Variants in CDYL2 observed in about 807,000 individuals in gnomAD.
The protein encoded by CDYL2 is chromodomain Y like 2.
In CDYL2, 23 loss-of-function variants were observed where a neutral mutation model predicts 49.4. That is an observed-to-expected ratio of 0.47 (90% confidence interval 0.34 to 0.66). The LOEUF (loss-of-function observed/expected upper bound fraction) is 0.66, where lower values mean the gene tolerates loss of function less well. Ranked by LOEUF, CDYL2 falls within the 30% of genes least tolerant of loss-of-function variation. The pLI is 0.01. For missense variants in CDYL2, 678 were observed against 656.4 expected (o/e 1.03, Z -0.36); for synonymous variants, 360 against 268.8 (o/e 1.34, Z -3.32).
At chr16:80,766,421 A>T (rs945588478) in intron 1 of CDYL2, among the ~76,000 whole-genome samples, 1 of 152,228 alleles carries the variant, frequency 6.6e-6, no homozygotes, top group Non-Finnish European at 1.5e-5. Context: ...TGAAGGCTGA[A>T]AATTTTCATA....
At chr16:80,652,257 TCAAA>T (rs753274662) in intron 2 of CDYL2, among the ~76,000 whole-genome samples, 1 of 152,074 alleles carries the variant, frequency 6.6e-6, no homozygotes, top group East Asian at 1.9e-4. Flanking sequence ...AAGGAAGTGC[TCAAA>T]CAAAGCAAAG....
chr16:80,752,963 G>A (rs1235627914), intron 1 of CDYL2, among the ~76,000 whole-genome samples: 1 of 152,166 alleles, frequency 6.6e-6, no homozygotes, highest in Non-Finnish European at 1.5e-5. Flanking sequence ...GCAACAGAAA[G>A]AATATGTGAG....
chr16:80,609,359 A>C (rs1003667871), intron 5 of CDYL2, among the ~76,000 whole-genome samples: 6 of 152,078 alleles, frequency 3.9e-5, no homozygotes, highest in Non-Finnish European at 1.5e-5. Flanking sequence ...TTGACGCTGA[A>C]ATGCCAGGCA....
intron 2 of CDYL2, among the ~76,000 whole-genome samples, chr16:80,638,101 G>T (rs913750580): frequency 6.6e-6 from 1 of 151,846 alleles, no homozygotes; most frequent in African/African-American, 2.4e-5. Context: ...TTGAGACAAG[G>T]TCTTGCTGTG....
At chr16:80,689,660 G>A (rs1012421354) in intron 1 of CDYL2, among the ~76,000 whole-genome samples, 4 of 152,212 alleles carry the variant, frequency 2.6e-5, no homozygotes, top group African/African-American at 9.6e-5. Context: ...ACTGAGGAAG[G>A]AAACGGCTTC....
intron 1 of CDYL2, among the ~76,000 whole-genome samples, chr16:80,774,356 C>A (rs530354642): frequency 1.5e-5 from 2 of 136,760 alleles, no homozygotes; most frequent in Non-Finnish European, 3.0e-5. Flanking sequence ...GTTGATCCCA[C>A]GGAAACAGAG....
At chr16:80,606,214 AT>A (rs1292039485) in intron 6 of CDYL2, among the ~76,000 whole-genome samples, 1 of 152,226 alleles carries the variant, frequency 6.6e-6, no homozygotes, top group Admixed American at 6.5e-5. Context: ...TCCCCCTGGA[AT>A]GGCCTCGAAG....
chr16:80,741,828 G>A (rs77040832), intron 1 of CDYL2, among the ~76,000 whole-genome samples: 412 of 152,340 alleles, frequency 2.7e-3, no homozygotes, highest in African/African-American at 9.3e-3. Context: ...CGGGGGAGCT[G>A]TTAATGTTGG....
intron 2 of CDYL2, among the ~76,000 whole-genome samples, chr16:80,681,882 G>A (rs1909980740): frequency 6.6e-6 from 1 of 152,086 alleles, no homozygotes; most frequent in Admixed American, 6.6e-5. Flanking sequence ...TCTACTTCAA[G>A]CACCCAGCAT....
chr16:80,780,606 C>T (rs553274333), intron 1 of CDYL2, among the ~76,000 whole-genome samples: 22 of 151,944 alleles, frequency 1.4e-4, no homozygotes, highest in African/African-American at 5.3e-4. Flanking sequence ...GAGGTTTCAC[C>T]GTGTTAGCCA....
At chr16:80,658,020 C>T (rs1908883038) in intron 2 of CDYL2, among the ~76,000 whole-genome samples, 1 of 145,282 alleles carries the variant, frequency 6.9e-6, no homozygotes, top group African/African-American at 2.6e-5. Flanking sequence ...GTATACATTC[C>T]AATAAAGAGA....
chr16:80,799,411 G>A (rs150733499), intron 1 of CDYL2, among the ~76,000 whole-genome samples: 1 of 152,228 alleles, frequency 6.6e-6, no homozygotes, highest in African/African-American at 2.4e-5. Context: ...CTGGGCTCCT[G>A]GAGGACGTGA....
upstream of CDYL2, among the ~76,000 whole-genome samples, chr16:80,804,730 C>A (rs1419645063): frequency 6.7e-6 from 1 of 149,378 alleles, no homozygotes; most frequent in East Asian, 2.0e-4. Context: ...CACCCCGGGC[C>A]GGCTTCGGGA....
chr16:80,686,382 A>C (rs1005200297), intron 1 of CDYL2, among the ~76,000 whole-genome samples: 1 of 152,226 alleles, frequency 6.6e-6, no homozygotes, highest in Non-Finnish European at 1.5e-5. Flanking sequence ...CAAATGCTAA[A>C]TTTCAATGAA....
Position 80,684,699 on chromosome 16 carries a change from G to C in CDYL2, c.455C>G (p.Ser152Cys). ...SGLQIMPLKK[S>C]QNGMENGDAG... The stretch of plus-strand genomic sequence containing the variant: ...GTCCCCATTTTCCATCCCGTTCTGA[G>C]ACTTTTTCAGGGGCATTATTTGCAA... The change falls in exon 2 of 7, where the codon TCT becomes TGT. Residue 152 changes from serine (S) to cysteine (C), a missense_variant. Physicochemically the swap from Ser to Cys is moderately radical, Grantham distance 112. Around this residue, in one of 3 missense-constraint regions of CDYL2, gnomAD observed 478 missense variants for 427.0 expected, o/e 1.12. Coordinates refer to ENST00000570137, the MANE Select transcript of CDYL2 (RefSeq NM_152342.4). The C allele has an allele frequency of 1.2e-6, 2 of 1,614,116 alleles. No homozygotes were observed. Among genetic ancestry groups the C allele is most frequent in the Non-Finnish European group, 1.7e-6 (2 of 1,180,042 alleles).
intron 1 of CDYL2, among the ~76,000 whole-genome samples, chr16:80,755,740 C>A (rs1049996756): frequency 1.3e-5 from 2 of 152,152 alleles, no homozygotes; most frequent in Non-Finnish European, 2.9e-5. Flanking sequence ...AAAGTAGACC[C>A]TAACTTAAAT....
chr16:80,730,565 C>A (rs980162524), intron 1 of CDYL2, among the ~76,000 whole-genome samples: 13 of 151,952 alleles, frequency 8.6e-5, no homozygotes, highest in African/African-American at 2.9e-4. Flanking sequence ...CTATTCCAAT[C>A]AATAGAAAAA....
At chr16:80,753,583 G>A (rs1906210744) in intron 1 of CDYL2, among the ~76,000 whole-genome samples, 1 of 152,086 alleles carries the variant, frequency 6.6e-6, no homozygotes, top group African/African-American at 2.4e-5. Context: ...ACTACAGCCT[G>A]GGCAATGAGA....
At chr16:80,792,397 G>A (rs557867037) in intron 1 of CDYL2, among the ~76,000 whole-genome samples, 6 of 152,264 alleles carry the variant, frequency 3.9e-5, no homozygotes, top group African/African-American at 1.2e-4. Flanking sequence ...AAGAGGTGGC[G>A]ACCCAAAAGA....
Sources: gnomAD v4.1 joint callset for allele counts (sites outside exome capture counted in the v4.1 genomes callset) on GRCh38, gnomAD v4.1.1 for gene constraint, gnomAD v4.1.1 regional missense constraint, MANE v1.5 for transcripts, NCBI Gene and HGNC (gene_info 2026-07-23, HGNC 2026-07-21) for gene names.